The following SOBP variants were observed in gnomAD, a reference collection of about 807,000 sequenced individuals.
SOBP encodes sine oculis binding protein homolog.
A neutral mutation model predicts 53.6 loss-of-function variants in SOBP; 4 were observed. The observed-to-expected ratio is 0.07, with a 90% CI of 0.04 to 0.17. SOBP has a LOEUF of 0.17. Ranked by LOEUF, SOBP falls within the 10% of genes least tolerant of loss-of-function variation. The pLI is 1.00. For synonymous variants in SOBP, 584 were observed against 522.6 expected (o/e 1.12, Z -1.60); for missense variants, 1,088 against 1,204.7 (o/e 0.90, Z 1.43).
intron 6 of SOBP, among the ~76,000 whole-genome samples, chr6:107,641,818 G>A (rs188526398): frequency 8.5e-5 from 13 of 152,298 alleles, no homozygotes; most frequent in East Asian, 5.8e-4. Context: ...ACGCTGCACC[G>A]TGGAACACTT....
intron 4 of SOBP, among the ~76,000 whole-genome samples, chr6:107,559,452 A>G (rs918031387): frequency 2.0e-5 from 3 of 152,244 alleles, no homozygotes; most frequent in Non-Finnish European, 4.4e-5. Flanking sequence ...TGAAAAAAAT[A>G]AGATGAAATT....
At chr6:107,560,232 T>C (rs1362678054) in intron 4 of SOBP, among the ~76,000 whole-genome samples, 1 of 152,124 alleles carries the variant, frequency 6.6e-6, no homozygotes, top group Non-Finnish European at 1.5e-5. Context: ...CCAAGAGGTG[T>C]TCAGATATGT....
chr6:107,497,491 G>A (rs916083367), intron 1 of SOBP, among the ~76,000 whole-genome samples: 1 of 151,654 alleles, frequency 6.6e-6, no homozygotes, highest in African/African-American at 2.4e-5. Flanking sequence ...AAAAAGAGTA[G>A]GCAATAAAAA....
At chr6:107,561,185 G>A (rs1271653373) in intron 4 of SOBP, among the ~76,000 whole-genome samples, 1 of 152,092 alleles carries the variant, frequency 6.6e-6, no homozygotes, top group African/African-American at 2.4e-5. Context: ...ATGTTAAGGT[G>A]AATGTTTCTT....
chr6:107,646,443 AG>A, intron 6 of SOBP, among the ~76,000 whole-genome samples: 1 of 152,340 alleles, frequency 6.6e-6, no homozygotes, highest in East Asian at 1.9e-4. Flanking sequence ...TTAAGCCAGC[AG>A]GGAAGGGCAG....
At chr6:107,548,813 C>T (rs898709479) in intron 4 of SOBP, among the ~76,000 whole-genome samples, 2 of 152,026 alleles carry the variant, frequency 1.3e-5, no homozygotes, top group African/African-American at 4.8e-5. Context: ...TGGTGAACAC[C>T]TGTAGTCTCA....
rs922766515 is a variant in SOBP at position 107,636,825 on chromosome 6, G to C, written c.*3+1356G>C. Among the ~76,000 whole-genome samples, 14 of 152,046 alleles carry C rather than the reference G, an allele frequency of 9.2e-5. 1 individual carries two copies. The highest frequency in any genetic ancestry group is 1.2e-4 in the Non-Finnish European group (8 of 68,008). ...GCAGGCTGTCTTCTAAGTGTTTTTCGGTAGTATTTATTTGGATCTGGGTCC... is the reference window on the plus strand; with the variant it reads ...GCAGGCTGTCTTCTAAGTGTTTTTCCGTAGTATTTATTTGGATCTGGGTCC... On this transcript the variant is annotated intron_variant, in intron 6 of 6. Transcript: ENST00000317357.
chr6:107,641,729 T>C (rs1771328814), intron 6 of SOBP, among the ~76,000 whole-genome samples: 1 of 152,234 alleles, frequency 6.6e-6, no homozygotes, highest in Non-Finnish European at 1.5e-5. Context: ...CTGCTGCCTG[T>C]GCACCATGTT....
chr6:107,578,144 G>A (rs1206649762), intron 4 of SOBP, among the ~76,000 whole-genome samples: 1 of 151,638 alleles, frequency 6.6e-6, no homozygotes. Context: ...ATCTTTCACA[G>A]GCTGTATCAG....
At position 107,634,464 on chromosome 6, in the gene SOBP, CATCCCT is replaced by C. The variant is rs1770890956; in HGVS notation, c.1627_1632del (p.Ile543_Pro544del). On this transcript the variant is annotated inframe_deletion, in exon 6 of 7. Transcript: ENST00000317357. The surrounding 1 kb of genome is among the most constrained non-coding windows in gnomAD (Gnocchi z 4.5). ...CCCTACCGGTGCCCATCCCCATCCC[CATCCCT>C]ATCCCTCACGTCAGCGACTCCAAGC... is the stretch of plus-strand genomic sequence containing the variant. 1.9e-6 allele frequency: 3 copies of C among 1,610,990 alleles called. No individual in the cohort carries two copies. Among genetic ancestry groups the C allele is most frequent in the South Asian group, 1.1e-5 (1 of 91,082 alleles).
chr6:107,504,249 C>A (rs948960893), intron 2 of SOBP, among the ~76,000 whole-genome samples: 1 of 152,104 alleles, frequency 6.6e-6, no homozygotes, highest in African/African-American at 2.4e-5. Context: ...GAAATCTAAA[C>A]GGAATTACTA....
chr6:107,646,247 C>A (rs1351091228), intron 6 of SOBP, among the ~76,000 whole-genome samples: 1 of 152,248 alleles, frequency 6.6e-6, no homozygotes, highest in Admixed American at 6.5e-5. Context: ...AAGCCATTGT[C>A]TCTGGACAGT....
intron 2 of SOBP, among the ~76,000 whole-genome samples, chr6:107,504,789 T>TA (rs1382608855): frequency 6.6e-6 from 1 of 152,260 alleles, no homozygotes; most frequent in Non-Finnish European, 1.5e-5. Flanking sequence ...TGACAAATTT[T>TA]ATGTTAAGCT....
intron 4 of SOBP, among the ~76,000 whole-genome samples, chr6:107,582,635 C>CA (rs1225265091): frequency 6.6e-6 from 1 of 151,406 alleles, no homozygotes; most frequent in African/African-American, 2.4e-5. Flanking sequence ...TAGTAAAATG[C>CA]AAAAAAATAG....
chr6:107,601,006 T>C (rs140669502), intron 5 of SOBP, among the ~76,000 whole-genome samples: 1 of 152,348 alleles, frequency 6.6e-6, no homozygotes, highest in East Asian at 1.9e-4. Context: ...ATAAAGCCTT[T>C]GAATAGACAC....
intron 5 of SOBP, among the ~76,000 whole-genome samples, chr6:107,602,147 G>A (rs1007636118): frequency 6.6e-6 from 1 of 152,076 alleles, no homozygotes. Flanking sequence ...AACTTTTTGA[G>A]TCACATCTAG....
intron 4 of SOBP, among the ~76,000 whole-genome samples, chr6:107,537,900 A>AC (rs1172605223): frequency 6.6e-6 from 1 of 152,186 alleles, no homozygotes. Context: ...GTGGGAAGAA[A>AC]CCAATGTGGC....
intron 4 of SOBP, among the ~76,000 whole-genome samples, chr6:107,576,266 G>GCATA: frequency 6.6e-6 from 1 of 152,302 alleles, no homozygotes; most frequent in African/African-American, 2.4e-5. Context: ...CAGTATTGCT[G>GCATA]CATATCATTT....
Position 107,635,069 on chromosome 6 carries a change from C to G in SOBP, c.2225C>G (p.Pro742Arg). 6.4e-7 allele frequency: 1 copy of G among 1,556,646 alleles called. No individual in the cohort carries two copies. The change falls in exon 6 of 7, where the codon CCC (proline) becomes CGC (arginine). Residue 742 changes from proline (P) to arginine (R), a missense_variant. Coordinates refer to ENST00000317357, the MANE Select transcript of SOBP (RefSeq NM_018013.4). This position sits in a 1 kb window ranked among gnomAD's most constrained non-coding sequence, Gnocchi z 4.5. ...AEGAKSAEPP[P>R]EQPPPPPPPA... is the part of the protein sequence containing the mutation. ...GGCGCTAAGAGCGCGGAGCCGCCTC[C>G]CGAGCAGCCGCCGCCGCCGCCGCCG...
Sources: allele counts gnomAD v4.1 joint callset (sites outside exome capture counted in the v4.1 genomes callset), GRCh38; gene constraint gnomAD v4.1.1; non-coding constraint Gnocchi (gnomAD v3.1); transcripts MANE v1.5; gene names NCBI Gene and HGNC (gene_info 2026-07-23, HGNC 2026-07-21).